PLPP4: variants seen among roughly 807,000 people sequenced by gnomAD.
PLPP4 encodes the protein diacylglycerol pyrophosphate like 2.
Under a neutral mutation model 32.2 loss-of-function variants are expected in PLPP4, and 20 were observed. The observed-to-expected ratio is 0.62, with a 90% CI of 0.44 to 0.90. The LOEUF (loss-of-function observed/expected upper bound fraction) is 0.90. Ranked by LOEUF, PLPP4 falls within the 40% of genes least tolerant of loss-of-function variation. PLPP4 has a pLI of 0.00. For synonymous variants in PLPP4, 127 were observed against 133.0 expected (o/e 0.95, Z 0.31); for missense variants, 257 against 353.1 (o/e 0.73, Z 2.18).
chr10:120,541,969 G>T (rs377416025), intron 5 of PLPP4, among the ~76,000 whole-genome samples: 1 of 152,136 alleles, frequency 6.6e-6, no homozygotes. Context: ...GTAGAAATGG[G>T]ATTTCACCAT....
At chr10:120,459,583 C>G (rs17100240) in intron 1 of PLPP4, among the ~76,000 whole-genome samples, 3 of 152,160 alleles carry the variant, frequency 2.0e-5, no homozygotes, top group East Asian at 1.9e-4. Flanking sequence ...CCTCTGCTCA[C>G]GAAGATGGTG....
intron 5 of PLPP4, among the ~76,000 whole-genome samples, chr10:120,530,057 G>A (rs1187901796): frequency 6.6e-6 from 1 of 152,166 alleles, no homozygotes; most frequent in Non-Finnish European, 1.5e-5. Flanking sequence ...TCCCCCGCGG[G>A]TACAGCATTC....
At chr10:120,528,560 T>A (rs1846539078) in intron 5 of PLPP4, among the ~76,000 whole-genome samples, 1 of 152,102 alleles carries the variant, frequency 6.6e-6, no homozygotes, top group African/African-American at 2.4e-5. Context: ...CTTGGCAAGA[T>A]CCCCTCATGG....
rs1848399916 is a variant in PLPP4, at chr10:120,468,605, C to T, written c.56+11244C>T. On this transcript the variant is annotated intron_variant, in intron 1 of 6. Coordinates refer to ENST00000398250, the MANE Select transcript of PLPP4 (RefSeq NM_001030059.3). ...AGTAAGCATTTATTATTTTCATGCA[C>T]AATCAAAAAAATCAATATAGATGTT... is the stretch of plus-strand genomic sequence containing the variant. 3.1e-5 allele frequency among the ~76,000 whole-genome samples: 2 copies of T among 64,742 alleles called. 1 individual carries two copies. Among genetic ancestry groups the T allele is most frequent in the African/African-American group, 6.6e-5 (2 of 30,366 alleles). The allele number at this position is 64,742 out of a possible 152,430, so 42.5% of individuals were successfully genotyped here.
At chr10:120,483,348 A>T (rs1280560273) in intron 1 of PLPP4, among the ~76,000 whole-genome samples, 23 of 152,174 alleles carry the variant, frequency 1.5e-4, no homozygotes, top group Admixed American at 1.5e-3. Flanking sequence ...AGTTCTCCTG[A>T]ATAAACTCCC....
intron 6 of PLPP4, among the ~76,000 whole-genome samples, chr10:120,583,163 T>A (rs12761955): frequency 0.072 from 10,985 of 151,834 alleles, 673 homozygotes; most frequent in African/African-American, 0.17. Flanking sequence ...GGAGGCTGCC[T>A]TGGTGACAGA....
At position 120,457,339 on chromosome 10, in the gene PLPP4, G is replaced by A. The variant is rs751713563; in HGVS notation, c.34G>A (p.Ala12Thr). Reference sequence around the variant, plus strand: ...GCTGGCCATTGAGATCGGGGTGCGAGCCCTGCTCTTCGGAGTCTTCGTGTA... The same window carrying A: ...GCTGGCCATTGAGATCGGGGTGCGAACCCTGCTCTTCGGAGTCTTCGTGTA... ...RELAIEIGVR[A>T]LLFGVFVFTE... Residue 12 changes from alanine (A) to threonine (T), a missense_variant, in exon 1 of 7, where the codon GCC becomes ACC. Transcript: ENST00000398250. 11 of 1,536,418 alleles carry A rather than the reference G, an allele frequency of 7.2e-6. No individual in the cohort carries two copies. In the South Asian group the frequency reaches 1.1e-4, roughly 15 times the overall value.
At chr10:120,564,856 T>A (rs1229342072) in intron 5 of PLPP4, among the ~76,000 whole-genome samples, 1 of 152,110 alleles carries the variant, frequency 6.6e-6, no homozygotes, top group Admixed American at 6.6e-5. Flanking sequence ...ATTTAAAAAA[T>A]TTTTAAATAG....
chr10:120,584,906 C>T (rs1210770215), intron 6 of PLPP4, among the ~76,000 whole-genome samples: 4 of 152,166 alleles, frequency 2.6e-5, no homozygotes, highest in Non-Finnish European at 4.4e-5. Context: ...ACAGAATTGG[C>T]AGGAATTGTC....
At chr10:120,474,348 A>T (rs765007308) in intron 1 of PLPP4, among the ~76,000 whole-genome samples, 2 of 152,128 alleles carry the variant, frequency 1.3e-5, no homozygotes, top group Non-Finnish European at 2.9e-5. Flanking sequence ...CCTTCAAATG[A>T]CCTCACTTTG....
chr10:120,589,442 G>A lies in PLPP4; in HGVS notation c.756G>A (p.Arg252=), dbSNP rs139308505. The change falls in exon 7 of 7, where the codon AGG becomes AGA. Residue 252 remains arginine, a synonymous_variant. Coordinates refer to ENST00000398250, the MANE Select transcript of PLPP4 (RefSeq NM_001030059.3). ...CAGCCTCACTGAAGAAAGAGGAGAG[G>A]CCCACAGCTGACAGCGCACCCAGCT... ...RVPASLKKEE[R]PTADSAPSLP... is the part of the protein sequence containing the mutation. 1.2e-6 allele frequency: 2 copies of A among 1,614,008 alleles called. No individual in the cohort carries two copies. The highest frequency in any genetic ancestry group is 1.3e-5 in the African/African-American group (1 of 75,004).
At chr10:120,476,160 CA>C (rs1843896455) in intron 1 of PLPP4, among the ~76,000 whole-genome samples, 1 of 152,104 alleles carries the variant, frequency 6.6e-6, no homozygotes, top group African/African-American at 2.4e-5. Context: ...GAGCTAAGAG[CA>C]AAAAGGGAGT....
intron 1 of PLPP4, among the ~76,000 whole-genome samples, chr10:120,480,655 A>G (rs894264293): frequency 1.3e-5 from 2 of 152,224 alleles, no homozygotes. Context: ...TTGTGGAATT[A>G]GTAAGGTCCT....
At chr10:120,508,228 C>A (rs912308295) in intron 2 of PLPP4, among the ~76,000 whole-genome samples, 4 of 152,250 alleles carry the variant, frequency 2.6e-5, no homozygotes, top group Non-Finnish European at 5.9e-5. Flanking sequence ...TCATGATAGA[C>A]AATTTAATTT....
chr10:120,583,307 T>C lies in PLPP4; in HGVS notation c.617-5996T>C, dbSNP rs78865913. 7.0e-3 allele frequency among the ~76,000 whole-genome samples: 1,060 copies of C among 152,046 alleles called. 14 individuals are homozygous for C. The highest frequency in any genetic ancestry group is 0.024 in the African/African-American group (1,005 of 41,474). ...AGGTCCTTCCTGTCCTTTGACCTCA[T>C]GGCAAGAGGGCAGGGTTTTGCCAAT... is the stretch of plus-strand genomic sequence containing the variant. On this transcript the variant is annotated intron_variant, in intron 6 of 6. Coordinates refer to ENST00000398250, the MANE Select transcript of PLPP4 (RefSeq NM_001030059.3).
intron 5 of PLPP4, among the ~76,000 whole-genome samples, chr10:120,542,064 C>G (rs1450522268): frequency 6.6e-6 from 1 of 152,210 alleles, no homozygotes; most frequent in Non-Finnish European, 1.5e-5. Flanking sequence ...AGAGCCCTCC[C>G]TTGAGTTAGG....
At chr10:120,559,026 A>C (rs1364756184) in intron 5 of PLPP4, among the ~76,000 whole-genome samples, 1 of 152,136 alleles carries the variant, frequency 6.6e-6, no homozygotes, top group Non-Finnish European at 1.5e-5. Flanking sequence ...ACATGGTCAG[A>C]ATTTAGTTTT....
At chr10:120,489,925 C>G (rs1329875778) in intron 1 of PLPP4, among the ~76,000 whole-genome samples, 2 of 152,148 alleles carry the variant, frequency 1.3e-5, no homozygotes, top group Non-Finnish European at 2.9e-5. Context: ...TTATTGAGCA[C>G]CTACTGCATG....
intron 6 of PLPP4, among the ~76,000 whole-genome samples, chr10:120,581,655 T>C (rs1399708166): frequency 6.6e-6 from 1 of 152,130 alleles, no homozygotes; most frequent in East Asian, 1.9e-4. Context: ...TCAGAGCCTT[T>C]CCACAGGCTC....
Sources: gnomAD v4.1 joint callset for allele counts (sites outside exome capture counted in the v4.1 genomes callset) on GRCh38, gnomAD v4.1.1 for gene constraint, MANE v1.5 for transcripts, NCBI Gene and HGNC (gene_info 2026-07-23, HGNC 2026-07-21) for gene names.